GPR161: variants seen among roughly 807,000 people sequenced by gnomAD.
GPR161 encodes the protein G-protein coupled receptor RE2.
GPR161 carries 25 observed loss-of-function variants against 39.2 expected under a neutral mutation model. The observed-to-expected ratio is 0.64, with a 90% CI of 0.47 to 0.89. The LOEUF is 0.89. GPR161 is among the 40% of genes least tolerant of loss of function. The pLI is 0.00. For missense variants in GPR161, 547 were observed against 677.8 expected (o/e 0.81, Z 2.14); for synonymous variants, 286 against 276.6 (o/e 1.03, Z -0.34).
In GPR161 at chr1:168,085,285, A is replaced by G. The variant is rs1694371073; in HGVS notation, c.*246T>C. On this transcript the variant is annotated 3_prime_UTR_variant, in exon 6 of 6. Transcript: ENST00000682931. ...TTTTTTGGTTTTTTTTTTGCTTTAG[A>G]TGCTTCTGGTCCCATCACTGGGACC... 1 of 573,570 alleles carries G rather than the reference A, an allele frequency of 1.7e-6. No homozygotes were observed. The highest frequency in any genetic ancestry group is 3.1e-6 in the Non-Finnish European group (1 of 321,620). 35.5% of individuals were successfully genotyped at this position (573,570 alleles called of 1,614,324 possible). A position where few individuals can be genotyped will look rare whatever the true frequency, so the allele number is the denominator to read the frequency against.
Position 168,104,839 on chromosome 1 carries a change from G to A in GPR161, c.12C>T (p.Asn4=), listed in dbSNP as rs1273783405. The change falls in exon 2 of 6, where the codon AAC becomes AAT. Residue 4 remains asparagine, a synonymous_variant. Coordinates refer to ENST00000682931, the MANE Select transcript of GPR161 (RefSeq NM_001375883.1). ...GCTCCTTCCTGCAGCTGAGGGAGGA[G>A]TTGAGGCTCATGGTCAGTGCACCTC... MSL[N]SSLSCRKELS... 6.2e-7 allele frequency: 1 copy of A among 1,614,010 alleles called. No homozygotes were observed. Among genetic ancestry groups the A allele is most frequent in the Non-Finnish European group, 8.5e-7 (1 of 1,179,904 alleles).
rs1159616581 is a variant in GPR161, at chr1:168,098,123, TCACAGCGTTGGAGG to T, written c.375-905_375-892del. 6.6e-6 allele frequency among the ~76,000 whole-genome samples: 1 copy of T among 152,150 alleles called. No homozygotes were observed. Among genetic ancestry groups the T allele is most frequent in the Non-Finnish European group, 1.5e-5 (1 of 68,022 alleles). On this transcript the variant is annotated intron_variant, in intron 2 of 5. Transcript: ENST00000682931. This position sits in a 1 kb window ranked among gnomAD's most constrained non-coding sequence, Gnocchi z 4.1. ...GGAGGTGATGCTCCAGACCCAGGTCTCACAGCGTTGGAGGCACTGACCCAGGACCACCCCAGGCA... is the reference window on the plus strand; with the variant it reads ...GGAGGTGATGCTCCAGACCCAGGTCTCACTGACCCAGGACCACCCCAGGCA...
chr1:168,085,686 A>T lies in GPR161; in HGVS notation c.1435T>A (p.Phe479Ile). The change falls in exon 6 of 6, where the codon TTT becomes ATT. Residue 479 changes from phenylalanine to isoleucine, a missense_variant. Transcript: ENST00000682931. Reference protein sequence around the residue: ...AIEAEAKINLFGEEALPGVLV... With the variant: ...AIEAEAKINLIGEEALPGVLV... ...ACCCCTGGCAAAGCCTCCTCCCCAA[A>T]TAAGTTGATTTTGGCTTCGGCCTCA... The T allele has an allele frequency of 6.2e-7, 1 of 1,614,164 alleles. No individual in the cohort carries two copies. Among genetic ancestry groups the T allele is most frequent in the Non-Finnish European group, 8.5e-7 (1 of 1,180,016 alleles).
chr1:168,102,918 A>C (rs1367648703), intron 2 of GPR161, among the ~76,000 whole-genome samples: 2 of 152,194 alleles, frequency 1.3e-5, no homozygotes, highest in East Asian at 3.9e-4. Context: ...TTTTTAAAAA[A>C]AAATTATATA....
At chr1:168,136,131 C>A in intron 1 of GPR161, 2 of 1,262,912 alleles carry the variant, frequency 1.6e-6, no homozygotes, top group Admixed American at 8.4e-5. Flanking sequence ...GAATCTCCCT[C>A]CCGCAGATCT....
intron 3 of GPR161, among the ~76,000 whole-genome samples, chr1:168,095,115 A>C (rs908055030): frequency 6.6e-6 from 1 of 152,236 alleles, no homozygotes; most frequent in Non-Finnish European, 1.5e-5. Context: ...AAAATGGATA[A>C]CCTCATTCTA....
chr1:168,136,065 C>G, intron 1 of GPR161: 1 of 1,254,392 alleles, frequency 8.0e-7, no homozygotes, highest in Non-Finnish European at 1.0e-6. Context: ...GGGGGTTAAG[C>G]TTGGCCCAGA....
At chr1:168,116,748 G>A (rs1346188701) in intron 1 of GPR161, among the ~76,000 whole-genome samples, 7 of 152,298 alleles carry the variant, frequency 4.6e-5, no homozygotes, top group Admixed American at 2.0e-4. Context: ...CCCCAGGGGC[G>A]TGTACCCACC....
rs1432137159 is a variant in GPR161 at position 168,084,764 on chromosome 1, T to C, written c.*767A>G. The C allele has an allele frequency of 2.9e-5, 13 of 450,836 alleles. No individual in the cohort carries two copies. The highest frequency in any genetic ancestry group is 5.3e-5 in the Non-Finnish European group (12 of 226,204). The allele number at this position is 450,836 out of a possible 1,614,324, so 27.9% of individuals were successfully genotyped here. On this transcript the variant is annotated 3_prime_UTR_variant, in exon 6 of 6. Coordinates refer to ENST00000682931, the MANE Select transcript of GPR161 (RefSeq NM_001375883.1). ...CGGTAAAACAGTGGTACGTCTTAAA[T>C]GGATTTTTTTTTTAATTCTGGAAAT...
chr1:168,122,774 C>T lies in GPR161; in HGVS notation c.-45+13965G>A, dbSNP rs1431585654. On this transcript the variant is annotated intron_variant, in intron 1 of 5. Coordinates refer to ENST00000682931, the MANE Select transcript of GPR161 (RefSeq NM_001375883.1). The stretch of plus-strand genomic sequence containing the variant: ...AGCCTTCCCCAGCCATACTATGTAA[C>T]ACTTCATACCCCCTCCAACACTTCC... Among the ~76,000 whole-genome samples the T allele has an allele frequency of 7.2e-5, 11 of 152,262 alleles. No individual in the cohort carries two copies. In the East Asian group the frequency reaches 2.1e-3, roughly 29 times the overall value.
chr1:168,134,746 A>G (rs1187141375), intron 1 of GPR161, among the ~76,000 whole-genome samples: 1 of 152,236 alleles, frequency 6.6e-6, no homozygotes, highest in Non-Finnish European at 1.5e-5. Flanking sequence ...AGATCAGGCA[A>G]CCATGTGCTG....
In GPR161 at chr1:168,085,538, T is replaced by A. The variant is rs1236433627; in HGVS notation, c.1583A>T (p.Gln528Leu). 1 of 1,611,352 alleles carries A rather than the reference T, an allele frequency of 6.2e-7. No homozygotes were observed. Among genetic ancestry groups the A allele is most frequent in the Non-Finnish European group, 8.5e-7 (1 of 1,178,128 alleles). ...CACGGCACCCTGAGGCCCTCATCTC[T>A]GCTCGGCAGCTAAAACATCTCCTTC... ...IEEGDVLAAE[Q>L]R is the part of the protein sequence containing the mutation. Residue 528 changes from glutamine (Q) to leucine (L), a missense_variant, in exon 6 of 6, where the codon CAG becomes CTG. Physicochemically the swap from Gln to Leu is moderately radical, Grantham distance 113. Coordinates refer to ENST00000682931, the MANE Select transcript of GPR161 (RefSeq NM_001375883.1).
In GPR161 at chr1:168,083,815, C is replaced by G. The variant is rs1211258330; in HGVS notation, c.*1716G>C. 6.6e-6 allele frequency: 1 copy of G among 152,252 alleles called. No homozygotes were observed. The highest frequency in any genetic ancestry group is 1.5e-5 in the Non-Finnish European group (1 of 68,068). The allele number at this position is 152,252 out of a possible 1,614,324, so 9.4% of individuals were successfully genotyped here. A position where few individuals can be genotyped will look rare whatever the true frequency, so the allele number is the denominator to read the frequency against. ...TACAAACTGCAGACCAGGGGACCAG[C>G]TAACCATTGGTTTCTGCCACACAAC... On this transcript the variant is annotated 3_prime_UTR_variant, in exon 6 of 6. Transcript: ENST00000682931.
In GPR161 at chr1:168,082,679, TTAAGC is replaced by T. The variant is rs1453812469; in HGVS notation, c.*2847_*2851del. 1 of 152,208 alleles carries T rather than the reference TTAAGC, an allele frequency of 6.6e-6. No individual in the cohort carries two copies. Among genetic ancestry groups the T allele is most frequent in the African/African-American group, 2.4e-5 (1 of 41,438 alleles). The allele number at this position is 152,208 out of a possible 1,614,324, so 9.4% of individuals were successfully genotyped here. On this transcript the variant is annotated 3_prime_UTR_variant, in exon 6 of 6. Transcript: ENST00000682931. ...ACCAGAAGACACAGGACTGAGTTGT[TTAAGC>T]TAACGAGTAGCCAAATGTCCCATGT... is the stretch of plus-strand genomic sequence containing the variant.
At chr1:168,131,421 C>G (rs1276919394) in intron 1 of GPR161, among the ~76,000 whole-genome samples, 1 of 152,062 alleles carries the variant, frequency 6.6e-6, no homozygotes, top group Non-Finnish European at 1.5e-5. Context: ...ACACTGTTAT[C>G]ACTGCCCATA....
chr1:168,137,578 C>G, upstream of GPR161: 1 of 618,024 alleles, frequency 1.6e-6, no homozygotes, highest in Non-Finnish European at 2.9e-6. Flanking sequence ...GCAGTCATCA[C>G]AAAACAAAGA....
chr1:168,086,644 G>A (rs1235274770), intron 5 of GPR161, among the ~76,000 whole-genome samples: 1 of 152,198 alleles, frequency 6.6e-6, no homozygotes, highest in Non-Finnish European at 1.5e-5. Context: ...AGGACTGATG[G>A]GGCAAGTGTG....
chr1:168,087,570 G>A lies in GPR161; in HGVS notation c.1324+15C>T, dbSNP rs778826377. 4.3e-6 allele frequency: 7 copies of A among 1,613,780 alleles called. No individual in the cohort carries two copies. Among genetic ancestry groups the A allele is most frequent in the South Asian group, 3.3e-5 (3 of 91,066 alleles). ...TCCCTATGTTTTCTTGAAGCAATCAGTCACAGAAGCCAACCTTTGATTTGT... is the reference window on the plus strand; with the variant it reads ...TCCCTATGTTTTCTTGAAGCAATCAATCACAGAAGCCAACCTTTGATTTGT... On this transcript the variant is annotated intron_variant, in intron 5 of 5. Transcript: ENST00000682931.
At chr1:168,132,339 G>T (rs1699054307) in intron 1 of GPR161, among the ~76,000 whole-genome samples, 1 of 151,930 alleles carries the variant, frequency 6.6e-6, no homozygotes, top group Non-Finnish European at 1.5e-5. Context: ...TGTAATCCCA[G>T]CACTTTGGGA....
Sources: gnomAD v4.1 joint callset for allele counts (sites outside exome capture counted in the v4.1 genomes callset) on GRCh38, gnomAD v4.1.1 for gene constraint, Gnocchi (gnomAD v3.1) non-coding constraint, MANE v1.5 for transcripts, NCBI Gene and HGNC (gene_info 2026-07-23, HGNC 2026-07-21) for gene names.